LRRFIP1: variants seen among roughly 807,000 people sequenced by gnomAD.
The protein encoded by LRRFIP1 is leucine-rich repeat flightless-interacting protein 1.
A neutral mutation model predicts 104.4 loss-of-function variants in LRRFIP1; 62 were observed. That is an observed-to-expected ratio of 0.59 (90% CI 0.48 to 0.73). LRRFIP1 has a LOEUF of 0.73. Among genes scored for constraint, LRRFIP1 ranks in the 30% least tolerant of loss-of-function variants. LRRFIP1 has a pLI of 0.00. For synonymous variants in LRRFIP1, 300 were observed against 299.0 expected (o/e 1.00, Z -0.03); for missense variants, 796 against 824.5 (o/e 0.97, Z 0.42).
At chr2:237,707,189 A>G (rs2150001723) in intron 1 of LRRFIP1, among the ~76,000 whole-genome samples, 1 of 152,064 alleles carries the variant, frequency 6.6e-6, no homozygotes, top group African/African-American at 2.4e-5. Flanking sequence ...AATATAGTGT[A>G]AGTCTAGGAT....
chr2:237,666,944 C>A (rs200968347), intron 1 of LRRFIP1, among the ~76,000 whole-genome samples: 1 of 76,728 alleles, frequency 1.3e-5, no homozygotes, highest in African/African-American at 4.9e-5. Flanking sequence ...TTCTTTCTTT[C>A]TTTTTCTTTC....
intron 1 of LRRFIP1, among the ~76,000 whole-genome samples, chr2:237,638,638 T>A (rs1003006460): frequency 6.6e-6 from 1 of 152,232 alleles, no homozygotes; most frequent in East Asian, 1.9e-4. Flanking sequence ...CCCTCTGTAA[T>A]TACTGAGCAC....
chr2:237,668,732 A>G (rs1196317006), intron 1 of LRRFIP1, among the ~76,000 whole-genome samples: 1 of 152,188 alleles, frequency 6.6e-6, no homozygotes, highest in Non-Finnish European at 1.5e-5. Flanking sequence ...TTTAGCTTAC[A>G]AGAAGTCTTT....
chr2:237,642,847 TA>T (rs1418742683), intron 1 of LRRFIP1, among the ~76,000 whole-genome samples: 1 of 152,166 alleles, frequency 6.6e-6, no homozygotes, highest in Non-Finnish European at 1.5e-5. Flanking sequence ...TTCTGAACTC[TA>T]GGTTTTCGAT....
intron 10 of LRRFIP1, among the ~76,000 whole-genome samples, chr2:237,738,553 A>G (rs776058764): frequency 3.3e-5 from 5 of 152,212 alleles, no homozygotes; most frequent in Non-Finnish European, 7.3e-5. Flanking sequence ...GAAGAATATG[A>G]GAATGTTTAT....
Position 237,749,329 on chromosome 2 carries a change from G to T in LRRFIP1, c.795+5G>T. 6.2e-7 allele frequency: 1 copy of T among 1,613,170 alleles called. No homozygotes were observed. The highest frequency in any genetic ancestry group is 1.1e-5 in the South Asian group (1 of 90,986). On this transcript the variant is annotated splice_donor_5th_base_variant and intron_variant, in intron 13 of 23. Coordinates refer to ENST00000308482, the MANE Select transcript of LRRFIP1 (RefSeq NM_001137550.2). Reference sequence around the variant, plus strand: ...GCATCCATCAGGGAAATCAAGGTGAGATGCTCTCTTCTTACTGACAACTTG... The same window carrying T: ...GCATCCATCAGGGAAATCAAGGTGATATGCTCTCTTCTTACTGACAACTTG...
chr2:237,759,575 TTC>T (rs1255435319), intron 18 of LRRFIP1, among the ~76,000 whole-genome samples: 1 of 152,208 alleles, frequency 6.6e-6, no homozygotes, highest in Admixed American at 6.5e-5. Context: ...TTTCAGTGAA[TTC>T]TGTTTCTTTT....
chr2:237,696,133 A>G (rs1335118444), intron 1 of LRRFIP1, among the ~76,000 whole-genome samples: 1 of 152,236 alleles, frequency 6.6e-6, no homozygotes, highest in Non-Finnish European at 1.5e-5. Flanking sequence ...CTAAAGTATA[A>G]CTACTTTGTA....
chr2:237,714,266 A>C lies in LRRFIP1; in HGVS notation c.191A>C (p.Gln64Pro). Residue 64 changes from glutamine to proline, a missense_variant, in exon 3 of 24, where the codon CAG becomes CCG. By Grantham distance (76) the Gln-to-Pro change is moderately conservative. Transcript: ENST00000308482. ...ELERQQKEIYQVQKKYYGLDT... is the reference protein window; with the variant it reads ...ELERQQKEIYPVQKKYYGLDT... ...TTCTGTCCTTCTCTATAGATCTATC[A>C]GGTCCAAAAGGTAGGCTCTTCTTTC... is the stretch of plus-strand genomic sequence containing the variant. 6.3e-7 allele frequency: 1 copy of C among 1,599,340 alleles called. No individual in the cohort carries two copies.
intron 11 of LRRFIP1, among the ~76,000 whole-genome samples, chr2:237,742,417 T>C (rs540152800): frequency 6.6e-6 from 1 of 152,282 alleles, no homozygotes; most frequent in East Asian, 1.9e-4. Context: ...TATGTGGTTC[T>C]TAGAATGCAG....
chr2:237,714,748 TA>T (rs1390885409), intron 3 of LRRFIP1, among the ~76,000 whole-genome samples: 1 of 152,238 alleles, frequency 6.6e-6, no homozygotes, highest in Non-Finnish European at 1.5e-5. Context: ...CATTCATCCC[TA>T]ATGCTCAGAG....
intron 14 of LRRFIP1, among the ~76,000 whole-genome samples, chr2:237,752,618 G>A (rs1330966924): frequency 1.3e-5 from 2 of 152,190 alleles, no homozygotes; most frequent in African/African-American, 4.8e-5. Context: ...CTCTGTTTTG[G>A]AATCGCCTTC....
At chr2:237,686,889 A>G (rs1575474799) in intron 1 of LRRFIP1, among the ~76,000 whole-genome samples, 1 of 152,190 alleles carries the variant, frequency 6.6e-6, no homozygotes, top group Admixed American at 6.5e-5. Flanking sequence ...CAGTGCCCCT[A>G]GTCTTACTGG....
intron 1 of LRRFIP1, among the ~76,000 whole-genome samples, chr2:237,690,742 A>G (rs574885168): frequency 6.8e-6 from 1 of 147,956 alleles, no homozygotes; most frequent in Admixed American, 6.6e-5. Context: ...ATCTCAAAAA[A>G]AAAAAAAAGA....
At position 237,751,249 on chromosome 2, in the gene LRRFIP1, T is replaced by TG. The variant is rs759525679; in HGVS notation, c.846dup (p.Gln283AlafsTer14). 1 of 1,610,204 alleles carries TG rather than the reference T, an allele frequency of 6.2e-7. No individual in the cohort carries two copies. Among genetic ancestry groups the TG allele is most frequent in the Non-Finnish European group, 8.5e-7 (1 of 1,178,352 alleles). On this transcript the variant is annotated frameshift_variant, in exon 14 of 24. Transcript: ENST00000308482. LOFTEE classifies it high-confidence loss of function. ...ATTCAGGATGTAGAAGGCAAATACA[T>TG]GCAGGGATTGAAAGAGATGAAGGTA...
intron 1 of LRRFIP1, chr2:237,692,174 G>C (rs2092832404): frequency 2.0e-6 from 2 of 1,024,206 alleles, no homozygotes; most frequent in Non-Finnish European, 1.2e-6. Context: ...CCGTGGGACG[G>C]GCGGAGGCGC....
chr2:237,641,665 T>G (rs1042723518), intron 1 of LRRFIP1, among the ~76,000 whole-genome samples: 1 of 152,212 alleles, frequency 6.6e-6, no homozygotes, highest in African/African-American at 2.4e-5. Context: ...TAAATTATAC[T>G]GAATATACGT....
rs1418748852 is a variant in LRRFIP1 at position 237,779,566 on chromosome 2, T to C, written c.*34T>C. The C allele has an allele frequency of 1.3e-6, 2 of 1,538,446 alleles. No individual in the cohort carries two copies. The highest frequency in any genetic ancestry group is 2.3e-5 in the East Asian group (1 of 44,284). On this transcript the variant is annotated 3_prime_UTR_variant, in exon 24 of 24. Coordinates refer to ENST00000308482, the MANE Select transcript of LRRFIP1 (RefSeq NM_001137550.2). ...TCTGATCAGGCAACTGGTTGGTGAC[T>C]GGAGAGCATTGTTTCATAGGCTTTT...
chr2:237,764,035 G>T lies in LRRFIP1; in HGVS notation c.1459+3830G>T, dbSNP rs1371173086. On this transcript the variant is annotated intron_variant, in intron 19 of 23. Transcript: ENST00000308482. ...GCAATAGCCTAGAGAACGATGACTT[G>T]TCGGCACCAGGAAGAGAGCCAGGGC... 3 of 1,614,240 alleles carry T rather than the reference G, an allele frequency of 1.9e-6. No homozygotes were observed. Among genetic ancestry groups the T allele is most frequent in the Non-Finnish European group, 2.5e-6 (3 of 1,180,036 alleles).
Sources: allele counts gnomAD v4.1 joint callset (sites outside exome capture counted in the v4.1 genomes callset), GRCh38; gene constraint gnomAD v4.1.1; transcripts MANE v1.5; gene names NCBI Gene and HGNC (gene_info 2026-07-23, HGNC 2026-07-21).